The following CFAP57 variants were observed in gnomAD, a reference collection of about 807,000 sequenced individuals.
The protein encoded by CFAP57 is cilia and flagella associated protein 57.
A neutral mutation model predicts 146.8 loss-of-function variants in CFAP57; 116 were observed. The ratio of observed to expected loss-of-function variants is 0.79; its 90% confidence interval spans 0.68 to 0.92. The LOEUF (loss-of-function observed/expected upper bound fraction) is 0.92. Ranked by LOEUF, CFAP57 falls within the 40% of genes least tolerant of loss-of-function variation. The probability of loss-of-function intolerance (pLI) is 0.00; values close to 1 mark genes in which losing one functional copy is unlikely to be tolerated. For synonymous variants in CFAP57, 518 were observed against 552.8 expected, an observed-to-expected ratio of 0.94 and a Z score of 0.88; for missense variants, 1,377 against 1,527.2, an observed-to-expected ratio of 0.90 and a Z score of 1.64.
In CFAP57 at chr1:43,183,607, A is replaced by G; in HGVS notation, c.491A>G (p.Gln164Arg). 2 of 1,614,228 alleles carry G rather than the reference A, an allele frequency of 1.2e-6. No individual in the cohort carries two copies. The highest frequency in any genetic ancestry group is 2.7e-5 in the African/African-American group (2 of 75,058). Residue 164 changes from glutamine to arginine, a missense_variant, in exon 4 of 23, where the codon CAG (glutamine) becomes CGG (arginine). Gln to Arg is a conservative substitution (Grantham distance 43, BLOSUM62 1). Coordinates refer to ENST00000372492, the MANE Select transcript of CFAP57 (RefSeq NM_001378189.1). Reference protein sequence around the residue: ...NPVYQVSFSPQDNTQVCVTGN... With the variant: ...NPVYQVSFSPRDNTQVCVTGN... ...ATTTTACAGGTGAGCTTCAGTCCAC[A>G]GGATAACACTCAGGTGTGTGTCACT...
At position 43,234,522 on chromosome 1, in the gene CFAP57, C is replaced by G; in HGVS notation, c.3289C>G (p.Leu1097Val). The change falls in exon 21 of 23, where the codon CTG becomes GTG. Residue 1097 changes from leucine to valine, a missense_variant. Transcript: ENST00000372492. ...MVEIAGLNTD[L>V]QQEYTRQREH... Reference sequence around the variant, plus strand: ...GGAGATCGCAGGGCTGAACACAGACCTGCAGCAGGAGTACACCCGGCAGCG... The same window carrying G: ...GGAGATCGCAGGGCTGAACACAGACGTGCAGCAGGAGTACACCCGGCAGCG... 2 of 1,550,040 alleles carry G rather than the reference C, an allele frequency of 1.3e-6. No homozygotes were observed. Among genetic ancestry groups the G allele is most frequent in the Non-Finnish European group, 1.7e-6 (2 of 1,146,698 alleles).
At chr1:43,172,984 A>G (rs1263480942) in intron 2 of CFAP57, 74 bp downstream of exon 2, 1 of 1,418,050 alleles carries the variant, frequency 7.1e-7, no homozygotes, top group African/African-American at 1.4e-5. Flanking sequence ...CAGCATGATG[A>G]TTGGAAAGAA....
chr1:43,242,005 A>C (rs1645943346), intron 21 of CFAP57, among the ~76,000 whole-genome samples: 1 of 152,120 alleles, frequency 6.6e-6, no homozygotes, highest in African/African-American at 2.4e-5. Context: ...AGCCTGCACC[A>C]CCTGGCCCCC....
intron 12 of CFAP57, among the ~76,000 whole-genome samples, chr1:43,216,213 GT>G (rs1644826241): frequency 6.6e-6 from 1 of 152,204 alleles, no homozygotes; most frequent in Non-Finnish European, 1.5e-5. Flanking sequence ...TGAAAAGACA[GT>G]TGTGGGCCCT....
intron 21 of CFAP57, among the ~76,000 whole-genome samples, chr1:43,239,588 A>G (rs751725075): frequency 4.5e-4 from 68 of 152,340 alleles, no homozygotes; most frequent in Non-Finnish European, 8.1e-4. Context: ...CACAAAATCA[A>G]TAGGACTCAG....
chr1:43,189,672 C>G (rs953839608), intron 6 of CFAP57, among the ~76,000 whole-genome samples: 1 of 152,132 alleles, frequency 6.6e-6, no homozygotes, highest in Non-Finnish European at 1.5e-5. Flanking sequence ...AAACGAGTAC[C>G]TGAGACTGAG....
intron 11 of CFAP57, chr1:43,210,436 C>T (rs1644553915): frequency 8.8e-7 from 1 of 1,133,248 alleles, no homozygotes. Context: ...CATCCATCGA[C>T]AGACGAATGC....
In CFAP57 at chr1:43,254,026, G is replaced by A. The variant is rs1480786591; in HGVS notation, c.3588G>A (p.Glu1196=). ...CAGCTCCCACCGCAAGGTTGAATGAGCAAGAAGAAACTGGGAGGATCATTG... is the reference window on the plus strand; with the variant it reads ...CAGCTCCCACCGCAAGGTTGAATGAACAAGAAGAAACTGGGAGGATCATTG... The part of the protein sequence containing the change: ...LSTAPTARLN[E]QEETGRIIEM... The change falls in exon 23 of 23, where the codon GAG becomes GAA. Residue 1196 remains glutamate (E), a synonymous_variant. Coordinates refer to ENST00000372492, the MANE Select transcript of CFAP57 (RefSeq NM_001378189.1). The A allele has an allele frequency of 1.9e-6, 3 of 1,550,584 alleles. No individual in the cohort carries two copies. Among genetic ancestry groups the A allele is most frequent in the African/African-American group, 2.7e-5 (2 of 73,134 alleles).
chr1:43,223,307 A>T (rs1317693720), intron 16 of CFAP57, among the ~76,000 whole-genome samples: 1 of 152,144 alleles, frequency 6.6e-6, no homozygotes, highest in Non-Finnish European at 1.5e-5. Context: ...ATGTTTTCTG[A>T]GATAACCCTC....
intron 6 of CFAP57, among the ~76,000 whole-genome samples, chr1:43,190,229 T>A (rs1036847280): frequency 6.6e-6 from 1 of 151,906 alleles, no homozygotes; most frequent in Non-Finnish European, 1.5e-5. Flanking sequence ...CAGATCCTTG[T>A]CTTGTTCCTA....
intron 22 of CFAP57, among the ~76,000 whole-genome samples, chr1:43,250,662 C>T (rs1334781399): frequency 1.3e-5 from 2 of 152,216 alleles, no homozygotes; most frequent in African/African-American, 4.8e-5. Flanking sequence ...AGTGTCCAAA[C>T]TGAAACAGCC....
intron 6 of CFAP57, among the ~76,000 whole-genome samples, chr1:43,189,789 T>C (rs1387377367): frequency 6.6e-6 from 1 of 152,166 alleles, no homozygotes; most frequent in Non-Finnish European, 1.5e-5. Context: ...CTTACAATCA[T>C]AGTGGAAGAT....
At chr1:43,209,644 C>G in intron 10 of CFAP57, 99 bp from the exon 11 acceptor site, 1 of 1,237,872 alleles carries the variant, frequency 8.1e-7, no homozygotes, top group Non-Finnish European at 1.2e-6. Flanking sequence ...AAGACAAGCC[C>G]CTAGGGATCT....
At chr1:43,233,781 C>A (rs749063973) in intron 19 of CFAP57, among the ~76,000 whole-genome samples, 72 of 152,190 alleles carry the variant, frequency 4.7e-4, no homozygotes, top group Non-Finnish European at 8.8e-4. Flanking sequence ...ACTAGCCCAA[C>A]TGTGTAGATG....
At chr1:43,180,401 A>G (rs1309146991) in intron 2 of CFAP57, among the ~76,000 whole-genome samples, 2 of 151,906 alleles carry the variant, frequency 1.3e-5, no homozygotes, top group Admixed American at 1.3e-4. Flanking sequence ...TAGGTCCTCA[A>G]AAGTATTGTG....
rs1323575684 is a variant in CFAP57 at position 43,213,901 on chromosome 1, T to TC, written c.1930-1354_1930-1353insC. 2.0e-5 allele frequency among the ~76,000 whole-genome samples: 3 copies of TC among 151,978 alleles called. No homozygotes were observed. The East Asian group carries it at 5.8e-4, about 29-fold the overall frequency. On this transcript the variant is annotated intron_variant, in intron 11 of 22. Transcript: ENST00000372492. ...GTCCTTAGCCCACTTTTTTTTTTTT[T>TC]TTGAGATAGAGTTTTGCTCTTGTCA...
intron 18 of CFAP57, among the ~76,000 whole-genome samples, chr1:43,227,803 G>A (rs906208119): frequency 6.6e-6 from 1 of 152,060 alleles, no homozygotes; most frequent in African/African-American, 2.4e-5. Context: ...ATCTAAAACC[G>A]AATTCTTGAT....
chr1:43,186,757 C>T lies in CFAP57; in HGVS notation c.1020C>T (p.Asp340=), dbSNP rs781674606. The change falls in exon 6 of 23, where the codon GAC becomes GAT. Residue 340 remains aspartate, a synonymous_variant. Transcript: ENST00000372492. ...SNDPSQSDKQ[D]VLCLCFSPSE... is the part of the protein sequence containing the mutation. Reference sequence around the variant, plus strand: ...ATCCAAGTCAGTCTGACAAACAGGACGTTCTCTGCCTGTGCTTCAGCCCCT... The same window carrying T: ...ATCCAAGTCAGTCTGACAAACAGGATGTTCTCTGCCTGTGCTTCAGCCCCT... The T allele has an allele frequency of 8.7e-6, 14 of 1,613,996 alleles. No homozygotes were observed. Among genetic ancestry groups the T allele is most frequent in the South Asian group, 2.2e-5 (2 of 91,088 alleles).
In CFAP57 at chr1:43,254,058, A is replaced by G. The variant is rs189527806; in HGVS notation, c.3620A>G (p.Gln1207Arg). Residue 1207 changes from glutamine to arginine, a missense_variant, in exon 23 of 23, where the codon CAG becomes CGG. Physicochemically the swap from Gln to Arg is conservative, Grantham distance 43. Transcript: ENST00000372492. ...QEETGRIIEMQRLEIQRLRDQ... is the reference protein window; with the variant it reads ...QEETGRIIEMRRLEIQRLRDQ... ...GAAACTGGGAGGATCATTGAAATGC[A>G]GCGCCTAGAAATCCAGCGCCTCAGA... 20 of 1,550,516 alleles carry G rather than the reference A, an allele frequency of 1.3e-5. No homozygotes were observed. The African/African-American group carries it at 2.3e-4, about 18-fold the overall frequency.
Sources: allele counts gnomAD v4.1 joint callset (sites outside exome capture counted in the v4.1 genomes callset), GRCh38; gene constraint gnomAD v4.1.1; transcripts MANE v1.5; gene names NCBI Gene and HGNC (gene_info 2026-07-23, HGNC 2026-07-21).